The following TSPAN8 variants were observed in gnomAD, a reference collection of about 807,000 sequenced individuals.
The protein encoded by TSPAN8 is tetraspanin-8.
Under a neutral mutation model 32.8 loss-of-function variants are expected in TSPAN8, and 21 were observed. The ratio of observed to expected loss-of-function variants is 0.64; its 90% CI spans 0.45 to 0.92. The LOEUF (loss-of-function observed/expected upper bound fraction) is 0.92, where lower values mean the gene tolerates loss of function less well. Among genes scored for constraint, TSPAN8 ranks in the 40% least tolerant of loss-of-function variants. The pLI is 0.00. For missense variants in TSPAN8, 269 were observed against 281.9 expected, an observed-to-expected ratio of 0.95 and a Z score of 0.33; for synonymous variants, 95 against 94.6, an observed-to-expected ratio of 1.00 and a Z score of -0.03.
intron 2 of TSPAN8, among the ~76,000 whole-genome samples, chr12:71,149,600 C>T (rs924597083): frequency 2.0e-5 from 3 of 152,206 alleles, no homozygotes; most frequent in Non-Finnish European, 4.4e-5. Flanking sequence ...TGGCTGGAGC[C>T]GCGGCAGCGG....
chr12:71,148,520 C>T (rs1371711120), intron 2 of TSPAN8, among the ~76,000 whole-genome samples: 2 of 152,162 alleles, frequency 1.3e-5, no homozygotes, highest in Non-Finnish European at 2.9e-5. Context: ...TGGGGTAGAT[C>T]AGGCACTTGC....
Position 71,139,738 on chromosome 12 carries a change from T to C in TSPAN8, c.234A>G (p.Ile78Met), listed in dbSNP as rs748910761. 13 of 1,613,804 alleles carry C rather than the reference T, an allele frequency of 8.1e-6. No homozygotes were observed. In the African/African-American group the frequency reaches 1.6e-4, roughly 20 times the overall value. Residue 78 changes from isoleucine to methionine, a missense_variant, in exon 4 of 9, where the codon ATA (isoleucine) becomes ATG (methionine). Physicochemically the swap from Ile to Met is conservative, Grantham distance 10 (BLOSUM62 1). Coordinates refer to ENST00000247829, the MANE Select transcript of TSPAN8 (RefSeq NM_004616.3). Reference sequence around the variant, plus strand: ...ACAGAAGCATGCAGCGACTTTCTTTTATAGCACCGCAGCATCCCAGGAAGC... The same window carrying C: ...ACAGAAGCATGCAGCGACTTTCTTTCATAGCACCGCAGCATCCCAGGAAGC... Reference protein sequence around the residue: ...ILGFLGCCGAIKESRCMLLLF... With the variant: ...ILGFLGCCGAMKESRCMLLLF...
chr12:71,145,024 T>C (rs1385326754), intron 2 of TSPAN8, among the ~76,000 whole-genome samples: 1 of 152,032 alleles, frequency 6.6e-6, no homozygotes, highest in East Asian at 1.9e-4. Flanking sequence ...GATAGAGATG[T>C]TAAGAGCTGT....
At chr12:71,137,056 A>C (rs113091785) in intron 6 of TSPAN8, among the ~76,000 whole-genome samples, 14 of 152,258 alleles carry the variant, frequency 9.2e-5, no homozygotes, top group African/African-American at 3.4e-4. Context: ...GGATCACTTG[A>C]GGTCAGGAAT....
chr12:71,142,843 A>AC (rs1283888727), intron 3 of TSPAN8, among the ~76,000 whole-genome samples: 6 of 76,426 alleles, frequency 7.9e-5, no homozygotes, highest in African/African-American at 3.0e-4. Flanking sequence ...AGAGAGGAAA[A>AC]AAACAAAAAA....
At chr12:71,157,587 A>G in intron 2 of TSPAN8, 32 bp downstream of exon 2, 1 of 1,463,708 alleles carries the variant, frequency 6.8e-7, no homozygotes, top group Non-Finnish European at 9.6e-7. Context: ...CCTTTCTTGC[A>G]TAAAATTGAT....
intron 6 of TSPAN8, among the ~76,000 whole-genome samples, chr12:71,136,807 A>C (rs1871711503): frequency 6.6e-6 from 1 of 152,096 alleles, no homozygotes; most frequent in Non-Finnish European, 1.5e-5. Context: ...CCTCCCTAAA[A>C]CCCAATATCC....
At chr12:71,148,939 T>C (rs1239536517) in intron 2 of TSPAN8, among the ~76,000 whole-genome samples, 1 of 152,210 alleles carries the variant, frequency 6.6e-6, no homozygotes, top group East Asian at 1.9e-4. Context: ...ACATTGTGGA[T>C]ACCAATTTCT....
rs771261387 is a variant in TSPAN8, at chr12:71,144,223, AAAAC to A, written c.61-14_61-11del. Reference sequence around the variant, plus strand: ...TCAAGATACCACATAGCTGCAGAAAAAAACAAACAAACAAAAAGAATACAATTAG... The same window carrying A: ...TCAAGATACCACATAGCTGCAGAAAAAAACAAACAAAAAGAATACAATTAG... On this transcript the variant is annotated splice_polypyrimidine_tract_variant and intron_variant, in intron 2 of 8. Coordinates refer to ENST00000247829, the MANE Select transcript of TSPAN8 (RefSeq NM_004616.3). The A allele has an allele frequency of 2.2e-5, 35 of 1,608,670 alleles. No individual in the cohort carries two copies. The highest frequency in any genetic ancestry group is 2.7e-5 in the African/African-American group (2 of 74,826).
At chr12:71,157,535 G>A in intron 2 of TSPAN8, 84 bp downstream of exon 2, 1 of 939,088 alleles carries the variant, frequency 1.1e-6, no homozygotes, top group African/African-American at 1.6e-5. Flanking sequence ...TATTTCTCTA[G>A]TGTACAGTCT....
chr12:71,154,652 C>T (rs1480211818), intron 2 of TSPAN8, among the ~76,000 whole-genome samples: 1 of 152,082 alleles, frequency 6.6e-6, no homozygotes, highest in Non-Finnish European at 1.5e-5. Flanking sequence ...GGTTTCAGTG[C>T]TTTGGAACAT....
At chr12:71,135,701 G>T (rs1871675110) in intron 6 of TSPAN8, among the ~76,000 whole-genome samples, 2 of 152,106 alleles carry the variant, frequency 1.3e-5, no homozygotes, top group African/African-American at 4.8e-5. Context: ...AGAAACCCAG[G>T]ATTGGCATGG....
intron 2 of TSPAN8, among the ~76,000 whole-genome samples, chr12:71,148,382 G>A (rs1046641128): frequency 6.6e-6 from 1 of 152,050 alleles, no homozygotes; most frequent in Non-Finnish European, 1.5e-5. Flanking sequence ...CCTTATTTTC[G>A]TTCATGCATT....
At chr12:71,144,059 G>T in intron 3 of TSPAN8, 92 bp downstream of exon 3, 1 of 1,110,032 alleles carries the variant, frequency 9.0e-7, no homozygotes, top group Non-Finnish European at 1.3e-6. Context: ...AAATGTTTTA[G>T]ACATGTTTAT....
intron 2 of TSPAN8, among the ~76,000 whole-genome samples, chr12:71,146,561 TAATA>T (rs1206896964): frequency 6.6e-6 from 1 of 152,168 alleles, no homozygotes; most frequent in Non-Finnish European, 1.5e-5. Flanking sequence ...AAGTATAAAT[TAATA>T]AATAAATGCC....
chr12:71,132,406 G>C (rs946762045), intron 7 of TSPAN8, among the ~76,000 whole-genome samples: 1 of 152,156 alleles, frequency 6.6e-6, no homozygotes, highest in African/African-American at 2.4e-5. Context: ...GATGACCAAA[G>C]AGAGGATAAA....
In TSPAN8 at chr12:71,125,386, A is replaced by T; in HGVS notation, c.662T>A (p.Ile221Lys). The change falls in exon 9 of 9, where the codon ATA becomes AAA. Residue 221 changes from isoleucine to lysine, a missense_variant and splice_region_variant. By Grantham distance (102) the Ile-to-Lys change is moderately radical. Transcript: ENST00000247829. ...GISFGLAVIE[I>K]LGLVFSMVLY... Reference sequence around the variant, plus strand: ...GACCATAGAAAACACCAAACCCAGTATCTAGAGAACAAAATAACAGGATTA... The same window carrying T: ...GACCATAGAAAACACCAAACCCAGTTTCTAGAGAACAAAATAACAGGATTA... 1 of 1,611,400 alleles carries T rather than the reference A, an allele frequency of 6.2e-7. No individual in the cohort carries two copies. The highest frequency in any genetic ancestry group is 8.5e-7 in the Non-Finnish European group (1 of 1,178,996).
At chr12:71,151,633 C>G (rs1388902325) in intron 2 of TSPAN8, among the ~76,000 whole-genome samples, 1 of 152,178 alleles carries the variant, frequency 6.6e-6, no homozygotes, top group Admixed American at 6.5e-5. Flanking sequence ...ATATAAGTAA[C>G]AGTTGTAGAC....
intron 6 of TSPAN8, among the ~76,000 whole-genome samples, chr12:71,133,964 T>C (rs779644077): frequency 3.3e-5 from 5 of 152,126 alleles, no homozygotes; most frequent in Non-Finnish European, 4.4e-5. Flanking sequence ...CTCTGATACA[T>C]TGCAATGCCA....
Sources: allele counts gnomAD v4.1 joint callset (sites outside exome capture counted in the v4.1 genomes callset), GRCh38; gene constraint gnomAD v4.1.1; transcripts MANE v1.5; gene names NCBI Gene and HGNC (gene_info 2026-07-23, HGNC 2026-07-21).